Variants in STXBP5L observed in about 807,000 individuals in gnomAD.
STXBP5L encodes syntaxin-binding protein 5-like.
In STXBP5L, 65 loss-of-function variants were observed where a neutral mutation model predicts 144.5. The observed-to-expected ratio is 0.45, with a 90% CI of 0.37 to 0.55. STXBP5L has a LOEUF of 0.55. STXBP5L is among the 20% of genes least tolerant of loss of function. The pLI, the probability that STXBP5L is intolerant of heterozygous loss-of-function variation, is 0.00. For synonymous variants in STXBP5L, 505 were observed against 469.6 expected, an observed-to-expected ratio of 1.08 and a Z score of -0.97; for missense variants, 1,298 against 1,405.5, an observed-to-expected ratio of 0.92 and a Z score of 1.22.
intron 20 of STXBP5L, among the ~76,000 whole-genome samples, chr3:121,331,053 A>T (rs764548781): frequency 6.6e-6 from 1 of 152,194 alleles, no homozygotes; most frequent in Non-Finnish European, 1.5e-5. Flanking sequence ...GACCCAGAAG[A>T]GCAGCATTCA....
chr3:121,083,703 T>C (rs2042356856), intron 5 of STXBP5L, among the ~76,000 whole-genome samples: 1 of 152,174 alleles, frequency 6.6e-6, no homozygotes, highest in Non-Finnish European at 1.5e-5. Flanking sequence ...TTTAAGTGTT[T>C]GGTAAAATTC....
At chr3:121,030,409 C>G (rs1287962300) in intron 3 of STXBP5L, among the ~76,000 whole-genome samples, 1 of 152,082 alleles carries the variant, frequency 6.6e-6, no homozygotes, top group African/African-American at 2.4e-5. Flanking sequence ...AATTGTGATT[C>G]TCAGCAAACT....
intron 3 of STXBP5L, among the ~76,000 whole-genome samples, chr3:121,015,479 A>G (rs1478731015): frequency 1.3e-5 from 2 of 152,214 alleles, no homozygotes; most frequent in African/African-American, 2.4e-5. Context: ...CACTAAAGCC[A>G]TAAACTTACA....
In STXBP5L at chr3:121,351,897, C is replaced by A. The variant is rs761891274; in HGVS notation, c.2177-26819C>A. ...TAAGGGATCCAGTTTCAGCTTTTTACAGATGGCTAGCCAGTTTTCCCAGCA... is the reference window on the plus strand; with the variant it reads ...TAAGGGATCCAGTTTCAGCTTTTTAAAGATGGCTAGCCAGTTTTCCCAGCA... On this transcript the variant is annotated intron_variant, in intron 20 of 26. Transcript: ENST00000471454. Among the ~76,000 whole-genome samples, 3 of 152,128 alleles carry A rather than the reference C, an allele frequency of 2.0e-5. No individual in the cohort carries two copies. The East Asian group carries it at 5.8e-4, about 29-fold the overall frequency.
intron 10 of STXBP5L, among the ~76,000 whole-genome samples, chr3:121,209,944 T>A (rs6781737): frequency 0.51 from 77,291 of 151,984 alleles, 19,987 homozygotes; most frequent in East Asian, 0.73. Context: ...TTTGGGTATA[T>A]ACCCAATAAT....
chr3:121,401,109 GC>G (rs1196638996), intron 22 of STXBP5L, among the ~76,000 whole-genome samples: 1 of 152,010 alleles, frequency 6.6e-6, no homozygotes, highest in Non-Finnish European at 1.5e-5. Flanking sequence ...AGCAATGGTT[GC>G]CCCCTGAGAG....
At chr3:120,956,925 C>T (rs1375794146) in intron 3 of STXBP5L, among the ~76,000 whole-genome samples, 3 of 151,688 alleles carry the variant, frequency 2.0e-5, no homozygotes, top group Non-Finnish European at 4.4e-5. Context: ...GAAGCTTTTA[C>T]CCTGTTTTCT....
intron 5 of STXBP5L, among the ~76,000 whole-genome samples, chr3:121,054,064 T>A (rs1948249782): frequency 6.6e-6 from 1 of 152,134 alleles, no homozygotes; most frequent in Non-Finnish European, 1.5e-5. Context: ...CCCGTTAGAA[T>A]GGCAATCATT....
At chr3:121,290,755 C>T (rs760598662) in intron 19 of STXBP5L, among the ~76,000 whole-genome samples, 2 of 152,076 alleles carry the variant, frequency 1.3e-5, no homozygotes, top group Non-Finnish European at 2.9e-5. Flanking sequence ...GTTTAACATA[C>T]ACAAGTCAAT....
At chr3:121,286,733 C>G (rs1403022185) in intron 19 of STXBP5L, among the ~76,000 whole-genome samples, 1 of 151,916 alleles carries the variant, frequency 6.6e-6, no homozygotes, top group Non-Finnish European at 1.5e-5. Flanking sequence ...TAGCAAGTAC[C>G]AGATTTAACC....
At chr3:121,292,252 C>A (rs1026911444) in intron 19 of STXBP5L, among the ~76,000 whole-genome samples, 1 of 152,058 alleles carries the variant, frequency 6.6e-6, no homozygotes, top group Non-Finnish European at 1.5e-5. Context: ...ATAGACAATT[C>A]TCAAAGGAAG....
rs181239276 is a variant in STXBP5L, at chr3:121,197,423, T to C, written c.878-8500T>C. Among the ~76,000 whole-genome samples, 1,041 of 152,280 alleles carry C rather than the reference T, an allele frequency of 6.8e-3. 4 individuals carry two copies. Among genetic ancestry groups the C allele is most frequent in the Non-Finnish European group, 0.011 (742 of 68,010 alleles). ...TATTTTCCATATGTTCATGCCTTTT[T>C]TCCTTGTACTCCTCCTTTACTGATT... On this transcript the variant is annotated intron_variant, in intron 9 of 26. Coordinates refer to ENST00000471454, the MANE Select transcript of STXBP5L (RefSeq NM_001308330.2).
At chr3:121,322,636 G>A (rs1465087045) in intron 20 of STXBP5L, among the ~76,000 whole-genome samples, 1 of 149,532 alleles carries the variant, frequency 6.7e-6, no homozygotes, top group East Asian at 2.0e-4. Context: ...ACATATATGT[G>A]TATGTGTCTT....
intron 5 of STXBP5L, among the ~76,000 whole-genome samples, chr3:121,095,289 T>C (rs1451626588): frequency 1.3e-5 from 2 of 152,164 alleles, no homozygotes; most frequent in African/African-American, 4.8e-5. Flanking sequence ...TCGAGGAGTA[T>C]CTTTGTGGCA....
intron 20 of STXBP5L, among the ~76,000 whole-genome samples, chr3:121,351,860 A>G (rs2045296089): frequency 6.6e-6 from 1 of 152,106 alleles, no homozygotes. Context: ...GAATTTTTGT[A>G]TAAGGTGTAA....
intron 6 of STXBP5L, 87 bp downstream of exon 6, chr3:121,115,146 C>T (rs16832111): frequency 0.13 from 168,542 of 1,255,928 alleles, 11,642 homozygotes; most frequent in Middle Eastern, 0.15. Flanking sequence ...TTATTTGATA[C>T]GTCTATTACT....
At chr3:121,298,653 T>C (rs2051759303) in intron 19 of STXBP5L, among the ~76,000 whole-genome samples, 1 of 152,074 alleles carries the variant, frequency 6.6e-6, no homozygotes, top group Admixed American at 6.6e-5. Flanking sequence ...AATAAGCCAG[T>C]CATAGAAGGA....
intron 2 of STXBP5L, among the ~76,000 whole-genome samples, chr3:120,915,033 A>G (rs1204561873): frequency 6.6e-6 from 1 of 152,140 alleles, no homozygotes; most frequent in Non-Finnish European, 1.5e-5. Flanking sequence ...CTAGAGGGCA[A>G]TCACATTTTC....
chr3:121,168,187 A>G (rs2046570967), intron 9 of STXBP5L, among the ~76,000 whole-genome samples: 1 of 152,210 alleles, frequency 6.6e-6, no homozygotes, highest in Non-Finnish European at 1.5e-5. Context: ...TGTCACCAAC[A>G]TCAAAGACCA....
Sources: allele counts gnomAD v4.1 joint callset (sites outside exome capture counted in the v4.1 genomes callset), GRCh38; gene constraint gnomAD v4.1.1; transcripts MANE v1.5; gene names NCBI Gene and HGNC (gene_info 2026-07-23, HGNC 2026-07-21).